SLC30A8: variants seen among roughly 807,000 people sequenced by gnomAD.
The protein encoded by SLC30A8 is proton-coupled zinc antiporter SLC30A8.
SLC30A8 carries 27 observed loss-of-function variants against 36.9 expected under a neutral mutation model. The observed-to-expected ratio is 0.73, with a 90% CI of 0.54 to 1.01. SLC30A8 has a LOEUF of 1.01. Among genes scored for constraint, SLC30A8 ranks in the 50% least tolerant of loss-of-function variants. The pLI is 0.00. For missense variants in SLC30A8, 439 were observed against 452.0 expected, an observed-to-expected ratio of 0.97 and a Z score of 0.26; for synonymous variants, 164 against 172.4, an observed-to-expected ratio of 0.95 and a Z score of 0.38.
intron 2 of SLC30A8, among the ~76,000 whole-genome samples, chr8:117,128,791 A>C (rs1821017463): frequency 6.6e-6 from 1 of 152,040 alleles, no homozygotes; most frequent in African/African-American, 2.4e-5. Context: ...TGAAGGAAAA[A>C]GGGGATTATT....
intron 1 of SLC30A8, among the ~76,000 whole-genome samples, chr8:116,989,248 T>G (rs185824045): frequency 6.6e-6 from 1 of 152,302 alleles, no homozygotes; most frequent in African/African-American, 2.4e-5. Context: ...TGTGGTGGTG[T>G]TTTTCAATAC....
chr8:117,034,885 A>AAGAG (rs1285418822), intron 1 of SLC30A8, among the ~76,000 whole-genome samples: 1 of 152,034 alleles, frequency 6.6e-6, no homozygotes. Context: ...AACAGACAGA[A>AAGAG]AGAGAGAGAG....
rs1823485890 is a variant in SLC30A8 at position 117,173,258 on chromosome 8, CT to C, written c.*579del. 6.6e-6 allele frequency: 1 copy of C among 152,048 alleles called. No homozygotes were observed. The highest frequency in any genetic ancestry group is 2.1e-4 in the South Asian group (1 of 4,830). The allele number at this position is 152,048 out of a possible 1,614,324, so 9.4% of individuals were successfully genotyped here. On this transcript the variant is annotated 3_prime_UTR_variant, in exon 8 of 8. Coordinates refer to ENST00000456015, the MANE Select transcript of SLC30A8 (RefSeq NM_173851.3). The stretch of plus-strand genomic sequence containing the variant: ...AGTGCTTACAACTAATTTTTATTTA[CT>C]TGTCACATTTTGGCAATAAATCCCT...
intron 1 of SLC30A8, among the ~76,000 whole-genome samples, chr8:117,022,500 G>A (rs1437913020): frequency 6.6e-6 from 1 of 152,132 alleles, no homozygotes; most frequent in Non-Finnish European, 1.5e-5. Context: ...ATTAGAAGGA[G>A]ACAATCTCAT....
chr8:117,175,038 A>C lies in SLC30A8; in HGVS notation c.*2357A>C, dbSNP rs969352323. ...ACTCCAGGTCACTGGAAGTTAGTGG[A>C]ATCATGTAGTTGAATTCTTTACTTC... is the stretch of plus-strand genomic sequence containing the variant. On this transcript the variant is annotated 3_prime_UTR_variant, in exon 8 of 8. Transcript: ENST00000456015. 6.6e-6 allele frequency: 1 copy of C among 152,102 alleles called. No homozygotes were observed. The highest frequency in any genetic ancestry group is 6.6e-5 in the Admixed American group (1 of 15,258). The allele number at this position is 152,102 out of a possible 1,614,324, so 9.4% of individuals were successfully genotyped here.
At position 117,031,652 on chromosome 8, in the gene SLC30A8, T is replaced by C. The variant is rs923330812; in HGVS notation, c.-265-7567T>C. ...ATTTATTTTGTATTTTTAGTAGAGATAAGGTTTCACCATGTTGGTTAGGCT... is the reference window on the plus strand; with the variant it reads ...ATTTATTTTGTATTTTTAGTAGAGACAAGGTTTCACCATGTTGGTTAGGCT... On this transcript the variant is annotated intron_variant, in intron 1 of 10. Transcript: ENST00000427715. 7.0e-4 allele frequency among the ~76,000 whole-genome samples: 106 copies of C among 152,128 alleles called. 1 individual carries two copies. The highest frequency in any genetic ancestry group is 2.5e-3 in the African/African-American group (103 of 41,516).
intron 1 of SLC30A8, among the ~76,000 whole-genome samples, chr8:117,033,960 T>C (rs1054225684): frequency 1.3e-5 from 2 of 152,248 alleles, no homozygotes; most frequent in Admixed American, 6.5e-5. Context: ...ATTGGCCTCA[T>C]TGCTGAAAAG....
In SLC30A8 at chr8:117,003,970, T is replaced by C. The variant is rs565293343; in HGVS notation, c.-265-35249T>C. Among the ~76,000 whole-genome samples, 3 of 152,302 alleles carry C rather than the reference T, an allele frequency of 2.0e-5. No individual in the cohort carries two copies. In the South Asian group the frequency reaches 6.2e-4, roughly 32 times the overall value. ...GAATATTGAATGTAAAAAAACCCAC[T>C]TTATCAATATGGCTTTACATAGACG... On this transcript the variant is annotated intron_variant, in intron 1 of 10. Coordinates refer to the SLC30A8 transcript ENST00000427715.
chr8:117,076,877 A>G (rs967027471), intron 2 of SLC30A8, among the ~76,000 whole-genome samples: 1 of 152,162 alleles, frequency 6.6e-6, no homozygotes, highest in African/African-American at 2.4e-5. Flanking sequence ...TGTAGCAGCA[A>G]TTAACAAAGG....
At chr8:117,159,498 C>G (rs1211971880) in intron 4 of SLC30A8, among the ~76,000 whole-genome samples, 1 of 152,184 alleles carries the variant, frequency 6.6e-6, no homozygotes, top group South Asian at 2.1e-4. Context: ...AGTTTGTGAA[C>G]CATTGCTCAA....
At chr8:117,002,490 TA>T (rs1816043427) in intron 1 of SLC30A8, among the ~76,000 whole-genome samples, 1 of 152,340 alleles carries the variant, frequency 6.6e-6, no homozygotes, top group East Asian at 1.9e-4. Flanking sequence ...AAAATACCTT[TA>T]AAAATACATT....
At chr8:117,103,324 T>C (rs1046263417) in intron 2 of SLC30A8, among the ~76,000 whole-genome samples, 1 of 151,930 alleles carries the variant, frequency 6.6e-6, no homozygotes, top group African/African-American at 2.4e-5. Flanking sequence ...TTTCAAGGAG[T>C]GAGAATAATT....
intron 1 of SLC30A8, among the ~76,000 whole-genome samples, chr8:117,005,535 G>T (rs565337581): frequency 3.7e-4 from 57 of 152,232 alleles, no homozygotes; most frequent in African/African-American, 1.3e-3. Context: ...CTATTAATAT[G>T]CATGTACAAG....
rs373152964 is a variant in SLC30A8, at chr8:117,059,062, ATTATTG to A, written c.-226+19816_-226+19821del. 2.2e-3 allele frequency among the ~76,000 whole-genome samples: 330 copies of A among 152,354 alleles called. 1 individual carries two copies. The highest frequency in any genetic ancestry group is 7.3e-3 in the African/African-American group (305 of 41,588). On this transcript the variant is annotated intron_variant, in intron 2 of 10. Transcript: ENST00000427715. ...CTGCAGAACATTATAAAGTTGGGGAATTATTGTTATTGTTATTTTTATATTGAAGTC... is the reference window on the plus strand; with the variant it reads ...CTGCAGAACATTATAAAGTTGGGGAATTATTGTTATTTTTATATTGAAGTC...
chr8:117,072,561 ATTTC>A (rs1294376879), intron 2 of SLC30A8, among the ~76,000 whole-genome samples: 3 of 152,110 alleles, frequency 2.0e-5, no homozygotes, highest in Non-Finnish European at 4.4e-5. Flanking sequence ...AGTTCTTTAT[ATTTC>A]TTTCTTACTT....
At chr8:117,131,959 T>C (rs938962667), upstream of SLC30A8, among the ~76,000 whole-genome samples, 1 of 151,982 alleles carries the variant, frequency 6.6e-6, no homozygotes, top group African/African-American at 2.4e-5. Flanking sequence ...ACTAAAATTG[T>C]CTACCTAACT....
chr8:117,104,841 T>C (rs1819907105), intron 2 of SLC30A8, among the ~76,000 whole-genome samples: 1 of 152,190 alleles, frequency 6.6e-6, no homozygotes, highest in Non-Finnish European at 1.5e-5. Flanking sequence ...CTCATGAGTT[T>C]TCTGGGAAAG....
chr8:117,023,276 C>G (rs969700738), intron 1 of SLC30A8, among the ~76,000 whole-genome samples: 2 of 152,168 alleles, frequency 1.3e-5, no homozygotes, highest in Non-Finnish European at 2.9e-5. Flanking sequence ...GTTGGTGGGA[C>G]TGTAAACTAG....
At chr8:117,164,735 C>G (rs1822975513) in intron 6 of SLC30A8, among the ~76,000 whole-genome samples, 1 of 152,078 alleles carries the variant, frequency 6.6e-6, no homozygotes, top group South Asian at 2.1e-4. Context: ...CGGCTGGGAG[C>G]AGGGGCCAGT....
Sources: gnomAD v4.1 joint callset for allele counts (sites outside exome capture counted in the v4.1 genomes callset) on GRCh38, gnomAD v4.1.1 for gene constraint, MANE v1.5 for transcripts, NCBI Gene and HGNC (gene_info 2026-07-23, HGNC 2026-07-21) for gene names.